PRKCA: variants seen among roughly 807,000 people sequenced by gnomAD.
PRKCA encodes protein kinase C alpha.
A neutral mutation model predicts 87.0 loss-of-function variants in PRKCA; 27 were observed. That is an observed-to-expected ratio of 0.31 (90% CI 0.23 to 0.43). The LOEUF is 0.43. Among genes scored for constraint, PRKCA ranks in the 20% least tolerant of loss-of-function variants. The probability of loss-of-function intolerance (pLI) is 1.00; values close to 1 mark genes in which losing one functional copy is unlikely to be tolerated. For missense variants in PRKCA, 518 were observed against 852.3 expected, an observed-to-expected ratio of 0.61 and a Z score of 4.88; for synonymous variants, 329 against 311.1, an observed-to-expected ratio of 1.06 and a Z score of -0.61.
At chr17:66,402,340 C>T (rs1911081576) in intron 2 of PRKCA, among the ~76,000 whole-genome samples, 2 of 150,038 alleles carry the variant, frequency 1.3e-5, no homozygotes, top group Non-Finnish European at 2.9e-5. Flanking sequence ...TTTATAATGG[C>T]AGTAGAGTGA....
At chr17:66,651,109 C>A (rs781342853) in intron 5 of PRKCA, among the ~76,000 whole-genome samples, 1 of 151,946 alleles carries the variant, frequency 6.6e-6, no homozygotes, top group Non-Finnish European at 1.5e-5. Flanking sequence ...GCAGTGGAGC[C>A]GGGAGGACAG....
intron 2 of PRKCA, among the ~76,000 whole-genome samples, chr17:66,310,249 A>G (rs992010821): frequency 4.0e-5 from 6 of 151,810 alleles, no homozygotes; most frequent in African/African-American, 1.5e-4. Flanking sequence ...TAATATCACA[A>G]ATGAAAATGT....
chr17:66,683,927 C>G (rs1972558228), intron 5 of PRKCA, among the ~76,000 whole-genome samples: 1 of 152,054 alleles, frequency 6.6e-6, no homozygotes, highest in African/African-American at 2.4e-5. Flanking sequence ...TGTCTCTAGC[C>G]CTTGTTCTCA....
intron 8 of PRKCA, among the ~76,000 whole-genome samples, chr17:66,700,723 A>G (rs1973039107): frequency 6.6e-6 from 1 of 152,226 alleles, no homozygotes; most frequent in African/African-American, 2.4e-5. Context: ...CGAAATACTT[A>G]AGAATAAATT....
chr17:66,623,542 G>A (rs1970754214), intron 3 of PRKCA, among the ~76,000 whole-genome samples: 1 of 152,144 alleles, frequency 6.6e-6, no homozygotes. Flanking sequence ...AGGGAATGCA[G>A]GATTCATTCG....
intron 3 of PRKCA, among the ~76,000 whole-genome samples, chr17:66,535,210 C>T (rs539509862): frequency 9.9e-5 from 15 of 151,580 alleles, no homozygotes; most frequent in Non-Finnish European, 2.1e-4. Context: ...TTGTGAATTC[C>T]CACTTTTAAC....
At chr17:66,577,720 C>T (rs1444382229) in intron 3 of PRKCA, among the ~76,000 whole-genome samples, 1 of 151,968 alleles carries the variant, frequency 6.6e-6, no homozygotes, top group African/African-American at 2.4e-5. Context: ...TTATTGCGTC[C>T]ATGTATTTAG....
At chr17:66,731,170 G>T (rs1049369701) in intron 8 of PRKCA, among the ~76,000 whole-genome samples, 5 of 152,036 alleles carry the variant, frequency 3.3e-5, no homozygotes, top group African/African-American at 1.2e-4. Flanking sequence ...GCCCAACATG[G>T]CGAAACCCCA....
In PRKCA at chr17:66,710,300, G is replaced by C. The variant is rs192601416; in HGVS notation, c.918+21253G>C. ...GTCTCGGGGTCACCGTCTGTCTGCT[G>C]TGCCTGCCTGCATCATAATTGGAAC... On this transcript the variant is annotated intron_variant, in intron 8 of 16. Transcript: ENST00000413366. Among the ~76,000 whole-genome samples, 1,030 of 152,060 alleles carry C rather than the reference G, an allele frequency of 6.8e-3. 5 individuals are homozygous for C. The highest frequency in any genetic ancestry group is 0.011 in the Non-Finnish European group (725 of 67,980).
chr17:66,469,771 G>C (rs1020145204), intron 2 of PRKCA, among the ~76,000 whole-genome samples: 2 of 152,278 alleles, frequency 1.3e-5, no homozygotes, highest in East Asian at 1.9e-4. Context: ...AATCAATTGG[G>C]TTAAGTCTCC....
At chr17:66,657,056 G>A (rs879579268) in intron 5 of PRKCA, among the ~76,000 whole-genome samples, 53 of 152,312 alleles carry the variant, frequency 3.5e-4, no homozygotes, top group Admixed American at 4.6e-4. Context: ...GCTTGTAGGC[G>A]TTTCCAATTG....
At chr17:66,497,850 CAAGT>C in intron 3 of PRKCA, among the ~76,000 whole-genome samples, 1 of 152,176 alleles carries the variant, frequency 6.6e-6, no homozygotes, top group East Asian at 1.9e-4. Flanking sequence ...TGTTGTAACA[CAAGT>C]AAGAAGGAAG....
chr17:66,563,243 G>T lies in PRKCA; in HGVS notation c.288+66960G>T, dbSNP rs562278856. Among the ~76,000 whole-genome samples, 7 of 152,220 alleles carry T rather than the reference G, an allele frequency of 4.6e-5. No individual in the cohort carries two copies. The South Asian group carries it at 1.5e-3, about 32-fold the overall frequency. ...GGTCTTGGTAGTGTATAGTCTGTGGGTTTGGACAAATGTGTCATGGCCCGT... is the reference window on the plus strand; with the variant it reads ...GGTCTTGGTAGTGTATAGTCTGTGGTTTTGGACAAATGTGTCATGGCCCGT... On this transcript the variant is annotated intron_variant, in intron 3 of 16. Coordinates refer to ENST00000413366, the MANE Select transcript of PRKCA (RefSeq NM_002737.3).
chr17:66,528,843 G>A (rs1364549024), intron 3 of PRKCA, among the ~76,000 whole-genome samples: 1 of 152,230 alleles, frequency 6.6e-6, no homozygotes, highest in Non-Finnish European at 1.5e-5. Context: ...TTGATTGGGT[G>A]CTTGTGAGTT....
intron 2 of PRKCA, among the ~76,000 whole-genome samples, chr17:66,339,260 C>A (rs1347414602): frequency 6.6e-6 from 1 of 152,140 alleles, no homozygotes; most frequent in Non-Finnish European, 1.5e-5. Context: ...CTATGTCTGC[C>A]CTCAGTGAGC....
intron 5 of PRKCA, chr17:66,677,087 A>ATTTATTTATTTATTTATTTAT (rs1486031658): frequency 2.6e-5 from 4 of 151,394 alleles, no homozygotes; most frequent in Non-Finnish European, 1.5e-5. Context: ...TTATTTATTT[A>ATTTATTTATTTATTTATTTAT]TTTATTTATT....
chr17:66,579,348 C>A (rs1169181126), intron 3 of PRKCA, among the ~76,000 whole-genome samples: 3 of 152,114 alleles, frequency 2.0e-5, no homozygotes, highest in Non-Finnish European at 4.4e-5. Context: ...GAGAAAGAGC[C>A]TGAAGAAAGA....
chr17:66,528,543 A>G (rs1175290203), intron 3 of PRKCA, among the ~76,000 whole-genome samples: 1 of 152,166 alleles, frequency 6.6e-6, no homozygotes, highest in Non-Finnish European at 1.5e-5. Flanking sequence ...CCCTTCAAAC[A>G]TGGAGGAAGG....
chr17:66,390,066 A>G (rs1222499594), intron 2 of PRKCA, among the ~76,000 whole-genome samples: 1 of 152,234 alleles, frequency 6.6e-6, no homozygotes, highest in East Asian at 1.9e-4. Context: ...TCTACTAAAA[A>G]TACAAAATTA....
Sources: allele counts gnomAD v4.1 joint callset (sites outside exome capture counted in the v4.1 genomes callset), GRCh38; gene constraint gnomAD v4.1.1; transcripts MANE v1.5; gene names NCBI Gene and HGNC (gene_info 2026-07-23, HGNC 2026-07-21).